Variants in LMBRD1 observed in about 807,000 individuals in gnomAD.
LMBRD1 encodes the protein LMBR1 domain containing 1.
Under a neutral mutation model 74.8 loss-of-function variants are expected in LMBRD1, and 64 were observed. The observed-to-expected ratio is 0.86, with a 90% confidence interval of 0.70 to 1.05. LMBRD1 has a LOEUF of 1.05. Ranked by LOEUF, LMBRD1 falls within the 50% of genes least tolerant of loss-of-function variation. The pLI is 0.00. For synonymous variants in LMBRD1, 204 were observed against 216.3 expected, an observed-to-expected ratio of 0.94 and a Z score of 0.50; for missense variants, 652 against 645.9, an observed-to-expected ratio of 1.01 and a Z score of -0.10.
At chr6:69,723,105 G>T (rs948317873) in intron 7 of LMBRD1, among the ~76,000 whole-genome samples, 1 of 152,096 alleles carries the variant, frequency 6.6e-6, no homozygotes, top group African/African-American at 2.4e-5. Flanking sequence ...ATAGTGATAA[G>T]GGGGTCAATT....
At position 69,697,570 on chromosome 6, in the gene LMBRD1, A is replaced by C. The variant is rs761693513; in HGVS notation, c.1410T>G (p.Ala470=). ...AAAACAAGCTGTTTTTACCTTCAGG[A>C]GCATCTGCATCACATCTCTTTGGCA... ...LSVPKRCDAD[A]PEDQCTVTRT... Residue 470 remains alanine, a synonymous_variant, in exon 14 of 16, where the codon GCT becomes GCG. Transcript: ENST00000649934. 2.8e-5 allele frequency: 44 copies of C among 1,599,238 alleles called. No homozygotes were observed. In the Admixed American group the frequency reaches 7.3e-4, roughly 27 times the overall value.
chr6:69,681,283 C>T (rs34791525), intron 14 of LMBRD1, among the ~76,000 whole-genome samples: 7,709 of 151,902 alleles, frequency 0.051, 243 homozygotes, highest in Middle Eastern at 0.071. Context: ...TACCACCATT[C>T]CTTCATCTCT....
rs1284313337 is a variant in LMBRD1 at position 69,701,555 on chromosome 6, A to T, written c.981-10T>A. The T allele has an allele frequency of 3.4e-6, 5 of 1,491,334 alleles. No individual in the cohort carries two copies. Among genetic ancestry groups the T allele is most frequent in the Non-Finnish European group, 4.7e-6 (5 of 1,075,144 alleles). 92.4% of individuals were successfully genotyped at this position (1,491,334 alleles called of 1,614,324 possible). A position where few individuals can be genotyped will look rare whatever the true frequency, so the allele number is the denominator to read the frequency against. ...AAGAGCTTTATCTAAACTAAAAAAA[A>T]TTACAAAGAATGAAATTTATGTTAT... On this transcript the variant is annotated splice_polypyrimidine_tract_variant and intron_variant, in intron 10 of 15. Transcript: ENST00000649934.
At chr6:69,703,382 A>G (rs895481918) in intron 9 of LMBRD1, among the ~76,000 whole-genome samples, 3 of 151,702 alleles carry the variant, frequency 2.0e-5, no homozygotes, top group African/African-American at 7.3e-5. Flanking sequence ...TGAAATGCCA[A>G]TTAGTAGTAG....
intron 1 of LMBRD1, among the ~76,000 whole-genome samples, chr6:69,792,960 T>C (rs1186306832): frequency 6.6e-6 from 1 of 152,188 alleles, no homozygotes; most frequent in Non-Finnish European, 1.5e-5. Flanking sequence ...CTGATAACCT[T>C]AAAGAGCTTT....
At chr6:69,757,137 A>G (rs1765283828) in intron 3 of LMBRD1, among the ~76,000 whole-genome samples, 1 of 152,210 alleles carries the variant, frequency 6.6e-6, no homozygotes, top group Non-Finnish European at 1.5e-5. Flanking sequence ...ACACAGCAAT[A>G]AAAAAGAAAC....
At chr6:69,791,401 G>A (rs1766081002) in intron 1 of LMBRD1, among the ~76,000 whole-genome samples, 1 of 152,180 alleles carries the variant, frequency 6.6e-6, no homozygotes, top group South Asian at 2.1e-4. Context: ...CCTTCACTGT[G>A]AGTCAGAATC....
intron 14 of LMBRD1, among the ~76,000 whole-genome samples, chr6:69,695,350 C>T (rs1582055805): frequency 6.6e-6 from 1 of 151,974 alleles, no homozygotes; most frequent in Non-Finnish European, 1.5e-5. Flanking sequence ...CTTCTCCATA[C>T]CTTCCTTATC....
chr6:69,713,742 T>G lies in LMBRD1; in HGVS notation c.818A>C (p.Glu273Ala). ...ARDKRALKQF[E>A]ERLRTLKKRE... is the part of the protein sequence containing the mutation. Reference sequence around the variant, plus strand: ...CTTCTTAAGTGTTCGTAACCTTTCTTCAAATTGTTTTAAGGCGCGTTTATC... The same window carrying G: ...CTTCTTAAGTGTTCGTAACCTTTCTGCAAATTGTTTTAAGGCGCGTTTATC... Residue 273 changes from glutamate to alanine, a missense_variant, in exon 9 of 16, where the codon GAA (glutamate) becomes GCA (alanine). Transcript: ENST00000649934. 1 of 1,613,734 alleles carries G rather than the reference T, an allele frequency of 6.2e-7. No homozygotes were observed. Among genetic ancestry groups the G allele is most frequent in the Middle Eastern group, 1.7e-4 (1 of 6,060 alleles).
At chr6:69,716,296 T>C (rs1006743394) in intron 8 of LMBRD1, among the ~76,000 whole-genome samples, 6 of 152,158 alleles carry the variant, frequency 3.9e-5, no homozygotes. Flanking sequence ...TTTTGACTTT[T>C]TAATAACAGC....
At chr6:69,777,435 A>G (rs963439264) in intron 3 of LMBRD1, among the ~76,000 whole-genome samples, 3 of 131,466 alleles carry the variant, frequency 2.3e-5, no homozygotes, top group African/African-American at 8.5e-5. Flanking sequence ...ACAGAGCAAG[A>G]CTCTGTTGCA....
At chr6:69,748,847 G>T (rs1765053369) in intron 5 of LMBRD1, among the ~76,000 whole-genome samples, 1 of 152,074 alleles carries the variant, frequency 6.6e-6, no homozygotes, top group East Asian at 1.9e-4. Context: ...GACTGATAGG[G>T]TCAAATCTGA....
At chr6:69,688,525 C>T (rs778385361) in intron 14 of LMBRD1, among the ~76,000 whole-genome samples, 1 of 151,090 alleles carries the variant, frequency 6.6e-6, no homozygotes, top group African/African-American at 2.4e-5. Flanking sequence ...AAAGACGGTA[C>T]AAAGACTTTA....
intron 7 of LMBRD1, among the ~76,000 whole-genome samples, chr6:69,723,857 AAG>A (rs1766669117): frequency 6.6e-6 from 1 of 152,002 alleles, no homozygotes; most frequent in Non-Finnish European, 1.5e-5. Context: ...AACAATAAAA[AAG>A]ATAGATGAAA....
intron 11 of LMBRD1, 24 bp downstream of exon 11, chr6:69,701,419 T>G (rs757203257): frequency 1.5e-6 from 2 of 1,306,340 alleles, no homozygotes; most frequent in Non-Finnish European, 2.2e-6. Context: ...AGCTACAGTA[T>G]AAAATGATTG....
chr6:69,735,443 TAAA>T (rs11290967), intron 7 of LMBRD1, among the ~76,000 whole-genome samples: 11 of 144,616 alleles, frequency 7.6e-5, no homozygotes, highest in South Asian at 2.2e-4. Context: ...GAAAACAACA[TAAA>T]AAAAAAAAAA....
chr6:69,720,041 C>T (rs1313622555), intron 7 of LMBRD1, among the ~76,000 whole-genome samples: 1 of 152,168 alleles, frequency 6.6e-6, no homozygotes, highest in East Asian at 1.9e-4. Context: ...CCAAGAATGA[C>T]TTAAGATACC....
chr6:69,766,861 T>C (rs1045962768), intron 3 of LMBRD1, among the ~76,000 whole-genome samples: 1 of 151,748 alleles, frequency 6.6e-6, no homozygotes, highest in Admixed American at 6.6e-5. Context: ...GGGGTTCTCT[T>C]TGTGGGAATA....
chr6:69,694,213 T>A (rs1379490832), intron 14 of LMBRD1, among the ~76,000 whole-genome samples: 3 of 152,144 alleles, frequency 2.0e-5, no homozygotes, highest in Non-Finnish European at 4.4e-5. Flanking sequence ...CGTTATCAGT[T>A]CAACATAATT....
Sources: allele counts gnomAD v4.1 joint callset (sites outside exome capture counted in the v4.1 genomes callset), GRCh38; gene constraint gnomAD v4.1.1; transcripts MANE v1.5; gene names NCBI Gene and HGNC (gene_info 2026-07-23, HGNC 2026-07-21).